Variants in CACNB2 observed in about 807,000 individuals in gnomAD.
CACNB2 encodes calcium voltage-gated channel auxiliary subunit beta 2, also known as voltage-dependent L-type calcium channel subunit beta-2.
Under a neutral mutation model 73.3 loss-of-function variants are expected in CACNB2, and 42 were observed. That is an observed-to-expected ratio of 0.57 (90% CI 0.45 to 0.74). The LOEUF (loss-of-function observed/expected upper bound fraction) is 0.74, where lower values mean the gene tolerates loss of function less well. Among genes scored for constraint, CACNB2 ranks in the 30% least tolerant of loss-of-function variants. The pLI is 0.00. For synonymous variants in CACNB2, 348 were observed against 310.3 expected (o/e 1.12, Z -1.28); for missense variants, 940 against 853.0 (o/e 1.10, Z -1.27).
chr10:18,340,972 C>T, intron 2 of CACNB2: 1 of 1,614,050 alleles, frequency 6.2e-7, no homozygotes, highest in Non-Finnish European at 8.5e-7. Flanking sequence ...ATACATTATT[C>T]CTGGGGTAAG....
At chr10:18,532,659 A>T in intron 10 of CACNB2, among the ~76,000 whole-genome samples, 1 of 145,068 alleles carries the variant, frequency 6.9e-6, no homozygotes. Flanking sequence ...CCTGGGAGAC[A>T]GAGAGAGACT....
rs4748485 is a variant in CACNB2 at position 18,540,333 on chromosome 10, A to T, written c.*609A>T. 0.37 allele frequency: 54,279 copies of T among 144,858 alleles called. 10,312 individuals are homozygous for T. Among genetic ancestry groups the T allele is most frequent in the East Asian group, 0.75 (3,804 of 5,090 alleles). 9.0% of individuals were successfully genotyped at this position (144,858 alleles called of 1,614,324 possible). A position where few individuals can be genotyped will look rare whatever the true frequency, so the allele number is the denominator to read the frequency against. The stretch of plus-strand genomic sequence containing the variant: ...ACAAACACCTTCTTATTATATATAT[A>T]ATATATATATATATCAGTTTGATCA... On this transcript the variant is annotated 3_prime_UTR_variant, in exon 14 of 14. Coordinates refer to ENST00000324631, the MANE Select transcript of CACNB2 (RefSeq NM_201596.3).
intron 2 of CACNB2, among the ~76,000 whole-genome samples, chr10:18,185,788 G>A (rs933325276): frequency 6.6e-6 from 1 of 151,950 alleles, no homozygotes; most frequent in East Asian, 1.9e-4. Flanking sequence ...TATTTATTCT[G>A]TGCCTACCAT....
intron 2 of CACNB2, among the ~76,000 whole-genome samples, chr10:18,160,043 C>T (rs1381321475): frequency 6.6e-6 from 1 of 152,034 alleles, no homozygotes; most frequent in Non-Finnish European, 1.5e-5. Context: ...TAGGATAAGC[C>T]TGTATACTAT....
chr10:18,207,211 G>A (rs1484861684), intron 2 of CACNB2, among the ~76,000 whole-genome samples: 1 of 152,110 alleles, frequency 6.6e-6, no homozygotes, highest in African/African-American at 2.4e-5. Flanking sequence ...GTTTCACCAT[G>A]TTGGCCAAGC....
At chr10:18,484,352 C>T (rs1054953265) in intron 3 of CACNB2, among the ~76,000 whole-genome samples, 2 of 151,640 alleles carry the variant, frequency 1.3e-5, no homozygotes, top group Non-Finnish European at 2.9e-5. Flanking sequence ...TGAGATCACG[C>T]CACTGTACTC....
At chr10:18,390,781 G>T (rs1374266297) in intron 2 of CACNB2, among the ~76,000 whole-genome samples, 2 of 152,184 alleles carry the variant, frequency 1.3e-5, no homozygotes, top group African/African-American at 4.8e-5. Context: ...CACACAATAT[G>T]TTATATTTAC....
intron 2 of CACNB2, among the ~76,000 whole-genome samples, chr10:18,319,319 C>A (rs2040310212): frequency 6.6e-6 from 1 of 152,080 alleles, no homozygotes; most frequent in African/African-American, 2.4e-5. Context: ...GAGCCGGAAG[C>A]CATCATCCTC....
At chr10:18,296,405 C>T (rs913801860) in intron 2 of CACNB2, among the ~76,000 whole-genome samples, 5 of 152,266 alleles carry the variant, frequency 3.3e-5, no homozygotes, top group East Asian at 1.9e-4. Flanking sequence ...ACGCTATTTA[C>T]TTACGCTCAC....
chr10:18,212,227 A>T (rs1418350157), intron 2 of CACNB2, among the ~76,000 whole-genome samples: 1 of 152,188 alleles, frequency 6.6e-6, no homozygotes, highest in Non-Finnish European at 1.5e-5. Flanking sequence ...CCATTTTTAC[A>T]TCTCAACCAG....
At chr10:18,237,919 G>A (rs1188340290) in intron 2 of CACNB2, among the ~76,000 whole-genome samples, 1 of 152,220 alleles carries the variant, frequency 6.6e-6, no homozygotes, top group African/African-American at 2.4e-5. Flanking sequence ...GCTGGACTTT[G>A]TTCACTGAGG....
At chr10:18,465,900 C>T (rs530001837) in intron 3 of CACNB2, among the ~76,000 whole-genome samples, 4 of 152,216 alleles carry the variant, frequency 2.6e-5, no homozygotes, top group South Asian at 2.1e-4. Context: ...AGGCTGCTCT[C>T]GAACTCCTGA....
At chr10:18,513,964 T>A (rs1239743410) in intron 6 of CACNB2, among the ~76,000 whole-genome samples, 1 of 152,248 alleles carries the variant, frequency 6.6e-6, no homozygotes, top group Non-Finnish European at 1.5e-5. Flanking sequence ...AACTACAGAT[T>A]TAAAATGTTT....
chr10:18,498,567 G>A (rs2049981511), intron 4 of CACNB2, 90 bp downstream of exon 4: 2 of 1,312,614 alleles, frequency 1.5e-6, no homozygotes, highest in Non-Finnish European at 1.1e-6. Context: ...TTTCTGTGAA[G>A]TAGCATTGCA....
At chr10:18,251,528 G>A (rs866999047) in intron 2 of CACNB2, among the ~76,000 whole-genome samples, 34 of 152,150 alleles carry the variant, frequency 2.2e-4, no homozygotes, top group African/African-American at 5.6e-4. Context: ...GATTACAGGC[G>A]TGGGCCACCA....
intron 2 of CACNB2, among the ~76,000 whole-genome samples, chr10:18,183,319 G>A (rs1186903554): frequency 6.7e-6 from 1 of 150,016 alleles, no homozygotes; most frequent in Non-Finnish European, 1.5e-5. Context: ...CTCTCCTTCT[G>A]CCTGTTCTTT....
At chr10:18,443,716 CTTTT>C (rs11412050) in intron 3 of CACNB2, among the ~76,000 whole-genome samples, 1 of 135,782 alleles carries the variant, frequency 7.4e-6, no homozygotes, top group African/African-American at 2.7e-5. Flanking sequence ...TCCTACATAC[CTTTT>C]TTTTTTTTTT....
intron 9 of CACNB2, among the ~76,000 whole-genome samples, chr10:18,520,732 GTT>G (rs1160921774): frequency 3.9e-5 from 6 of 152,296 alleles, no homozygotes; most frequent in African/African-American, 1.2e-4. Context: ...CTCCCTTGCT[GTT>G]CTTTGAGTGT....
chr10:18,460,620 C>T (rs577395661), intron 3 of CACNB2, among the ~76,000 whole-genome samples: 2 of 152,150 alleles, frequency 1.3e-5, no homozygotes, highest in African/African-American at 2.4e-5. Context: ...GTTGGGCATG[C>T]TGGCTCACAC....
Sources: allele counts gnomAD v4.1 joint callset (sites outside exome capture counted in the v4.1 genomes callset), GRCh38; gene constraint gnomAD v4.1.1; transcripts MANE v1.5; gene names NCBI Gene and HGNC (gene_info 2026-07-23, HGNC 2026-07-21).